SCGB2A2: variants seen among roughly 807,000 people sequenced by gnomAD.
The protein encoded by SCGB2A2 is secretoglobin family 2A member 2, also known as mammaglobin-A.
SCGB2A2 carries 11 observed loss-of-function variants against 8.8 expected under a neutral mutation model. The ratio of observed to expected loss-of-function variants is 1.25; its 90% confidence interval spans 0.79 to 2.07. The LOEUF is 2.07. Among genes scored for constraint, SCGB2A2 ranks in the 30% most tolerant of loss-of-function variants. SCGB2A2 has a pLI of 0.00. For missense variants in SCGB2A2, 113 were observed against 109.9 expected (o/e 1.03, Z -0.13); for synonymous variants, 42 against 40.9 (o/e 1.03, Z -0.10).
At chr11:62,271,168 G>T in intron 2 of SCGB2A2, 100 bp downstream of exon 2, 1 of 1,602,436 alleles carries the variant, frequency 6.2e-7, no homozygotes, top group Non-Finnish European at 8.5e-7. Context: ...TAGTGAACAA[G>T]CCTTTTCTTA....
chr11:62,271,520 A>C, intron 2 of SCGB2A2: 2 of 1,186,964 alleles, frequency 1.7e-6, no homozygotes, highest in Non-Finnish European at 1.0e-6. Flanking sequence ...CACAGACACA[A>C]TCACACCAGC....
chr11:62,271,496 GAC>G, intron 2 of SCGB2A2: 1 of 1,208,634 alleles, frequency 8.3e-7, no homozygotes, highest in Non-Finnish European at 1.0e-6. Context: ...GACAGGCAAA[GAC>G]ACAGACACAG....
chr11:62,271,580 C>A, intron 2 of SCGB2A2: 1 of 1,056,416 alleles, frequency 9.5e-7, no homozygotes, highest in Non-Finnish European at 1.1e-6. Flanking sequence ...ACCACACAAC[C>A]ACAGAAACAC....
intron 2 of SCGB2A2, chr11:62,271,510 C>T (rs753459678): frequency 1.2e-5 from 14 of 1,214,346 alleles, no homozygotes; most frequent in Non-Finnish European, 1.4e-5. Flanking sequence ...CAGACACAGA[C>T]ACAGACACAA....
chr11:62,271,926 T>C, intron 2 of SCGB2A2: 2 of 974,752 alleles, frequency 2.1e-6, no homozygotes, highest in Non-Finnish European at 2.4e-6. Flanking sequence ...GGAGGAAGAA[T>C]TGCCTCAAAC....
rs541318564 is a variant in SCGB2A2 at position 62,271,292 on chromosome 11, A to G, written c.243+224A>G. 9 of 1,447,420 alleles carry G rather than the reference A, an allele frequency of 6.2e-6. No individual in the cohort carries two copies. In the African/African-American group the frequency reaches 8.6e-5, roughly 14 times the overall value. The allele number at this position is 1,447,420 out of a possible 1,614,324, so 89.7% of individuals were successfully genotyped here. On this transcript the variant is annotated intron_variant, in intron 2 of 2. Transcript: ENST00000227918. ...AATCCTCAGTGGATGATAAATGAAT[A>G]GGGCAAGAGAGGAAAAGGAAAGGTC... is the stretch of plus-strand genomic sequence containing the variant.
At chr11:62,272,443 A>T (rs1461563974) in intron 2 of SCGB2A2, among the ~76,000 whole-genome samples, 8 of 152,180 alleles carry the variant, frequency 5.3e-5, no homozygotes, top group Non-Finnish European at 1.2e-4. Flanking sequence ...TGTACATTTT[A>T]CCACTATTAA....
intron 2 of SCGB2A2, chr11:62,271,705 C>T: frequency 1.0e-6 from 1 of 986,156 alleles, no homozygotes; most frequent in Non-Finnish European, 1.2e-6. Flanking sequence ...GAGAAAACTT[C>T]TCTTCTTCAA....
At chr11:62,271,296 C>A in intron 2 of SCGB2A2, 1 of 1,447,114 alleles carries the variant, frequency 6.9e-7, no homozygotes, top group Non-Finnish European at 9.0e-7. Context: ...ATGAATAGGG[C>A]AAGAGAGGAA....
chr11:62,272,268 A>C (rs1165370345), intron 2 of SCGB2A2, among the ~76,000 whole-genome samples: 1 of 145,594 alleles, frequency 6.9e-6, no homozygotes, highest in African/African-American at 2.5e-5. Flanking sequence ...AAAAAAAAAA[A>C]CAGTGGTTGT....
At chr11:62,271,504 CACAG>C in intron 2 of SCGB2A2, 1 of 1,217,788 alleles carries the variant, frequency 8.2e-7, no homozygotes, top group African/African-American at 1.5e-5. Context: ...AAGACACAGA[CACAG>C]ACACAGACAC....
At chr11:62,271,839 T>A (rs1042146013) in intron 2 of SCGB2A2, 2 of 985,234 alleles carry the variant, frequency 2.0e-6, no homozygotes, top group African/African-American at 3.5e-5. Context: ...CAGGCAATCA[T>A]AATTTGCTAG....
At chr11:62,271,388 C>T (rs1422952340) in intron 2 of SCGB2A2, 2 of 1,431,492 alleles carry the variant, frequency 1.4e-6, no homozygotes, top group African/African-American at 2.9e-5. Flanking sequence ...CACACAAACA[C>T]AGAAACACAC....
At chr11:62,271,680 A>G (rs1341599986) in intron 2 of SCGB2A2, 4 of 988,616 alleles carry the variant, frequency 4.0e-6, no homozygotes, top group Non-Finnish European at 4.8e-6. Context: ...ACCCGCACCT[A>G]TAGACCAATC....
chr11:62,271,822 G>A, intron 2 of SCGB2A2: 1 of 984,492 alleles, frequency 1.0e-6, no homozygotes, highest in Non-Finnish European at 1.2e-6. Flanking sequence ...AATTTAAAAT[G>A]CACTTCCAGG....
At chr11:62,271,238 G>C (rs775289055) in intron 2 of SCGB2A2, 170 bp downstream of exon 2, 20 of 1,499,874 alleles carry the variant, frequency 1.3e-5, no homozygotes, top group Non-Finnish European at 1.6e-5. Context: ...AAAACATCCA[G>C]TGTCCCTGTG....
intron 2 of SCGB2A2, chr11:62,271,654 A>T (rs1038809000): frequency 1.0e-6 from 1 of 994,038 alleles, no homozygotes; most frequent in Admixed American, 5.7e-5. Context: ...CTACAGAAAA[A>T]ACAATTTTCC....
intron 2 of SCGB2A2, 44 bp downstream of exon 2, chr11:62,271,112 A>C: frequency 6.2e-7 from 1 of 1,613,038 alleles, no homozygotes; most frequent in Non-Finnish European, 8.5e-7. Flanking sequence ...TCCCCTGACC[A>C]GGGACAAGTG....
intron 1 of SCGB2A2, 76 bp from the exon 2 acceptor site, chr11:62,270,805 T>G: frequency 9.5e-7 from 1 of 1,049,464 alleles, no homozygotes. Flanking sequence ...TGTAAGAAGA[T>G]GAGGAATGTA....
Sources: gnomAD v4.1 joint callset for allele counts (sites outside exome capture counted in the v4.1 genomes callset) on GRCh38, gnomAD v4.1.1 for gene constraint, MANE v1.5 for transcripts, NCBI Gene and HGNC (gene_info 2026-07-23, HGNC 2026-07-21) for gene names.